The following KIF2A variants were observed in gnomAD, a reference collection of about 807,000 sequenced individuals.
The protein encoded by KIF2A is kinesin-like protein KIF2A.
A neutral mutation model predicts 100.2 loss-of-function variants in KIF2A; 22 were observed. The ratio of observed to expected loss-of-function variants is 0.22; its 90% CI spans 0.16 to 0.31. KIF2A has a LOEUF of 0.31. Among genes scored for constraint, KIF2A ranks in the 10% least tolerant of loss-of-function variants. The pLI is 1.00. For synonymous variants in KIF2A, 268 were observed against 285.9 expected (o/e 0.94, Z 0.63); for missense variants, 495 against 898.7 (o/e 0.55, Z 5.74).
chr5:62,313,426 C>T (rs972994051), intron 1 of KIF2A, among the ~76,000 whole-genome samples: 1 of 152,034 alleles, frequency 6.6e-6, no homozygotes, highest in African/African-American at 2.4e-5. Flanking sequence ...GATCTCGGCT[C>T]ACTGCAACCT....
intron 19 of KIF2A, among the ~76,000 whole-genome samples, chr5:62,378,462 A>G (rs572966154): frequency 2.6e-5 from 4 of 152,326 alleles, no homozygotes; most frequent in East Asian, 3.9e-4. Flanking sequence ...GAAAAAAACA[A>G]TAACTGCCTC....
intron 16 of KIF2A, among the ~76,000 whole-genome samples, chr5:62,371,385 G>A (rs1741318983): frequency 6.6e-6 from 1 of 152,174 alleles, no homozygotes; most frequent in African/African-American, 2.4e-5. Flanking sequence ...AAGACTGTTA[G>A]TAGAGGAAAC....
Position 62,365,212 on chromosome 5 carries a change from A to G in KIF2A, c.1468-31A>G, listed in dbSNP as rs764537637. ...AAGATTATCCTTTATAAGAAAGACT[A>G]ATCTGTGAGACTTGTTTTCTTAATT... On this transcript the variant is annotated intron_variant, in intron 14 of 20. Coordinates refer to ENST00000407818, the MANE Select transcript of KIF2A (RefSeq NM_001098511.3). 1.0e-5 allele frequency: 11 copies of G among 1,104,286 alleles called. No individual in the cohort carries two copies. The Admixed American group carries it at 2.1e-4, about 21-fold the overall frequency. 68.4% of individuals were successfully genotyped at this position (1,104,286 alleles called of 1,614,324 possible).
intron 19 of KIF2A, among the ~76,000 whole-genome samples, chr5:62,378,918 C>T (rs1741655902): frequency 6.6e-6 from 1 of 151,998 alleles, no homozygotes; most frequent in Non-Finnish European, 1.5e-5. Flanking sequence ...AAAACAAAAA[C>T]TCTAGAGTTT....
At chr5:62,381,867 CCACTTTTTTTTAAATGA>C (rs1339105591) in intron 20 of KIF2A, among the ~76,000 whole-genome samples, 7 of 152,194 alleles carry the variant, frequency 4.6e-5, no homozygotes, top group Non-Finnish European at 7.3e-5. Flanking sequence ...TTGGCCTCTG[CCACTTTTTTTTAAATGA>C]AGGAGGTGTC....
At chr5:62,328,194 A>G (rs1746471122) in intron 1 of KIF2A, among the ~76,000 whole-genome samples, 1 of 152,218 alleles carries the variant, frequency 6.6e-6, no homozygotes, top group African/African-American at 2.4e-5. Context: ...CATTTGGTAT[A>G]TATTCTGTTA....
At chr5:62,346,499 GGAGCCC>G (rs146049546) in intron 1 of KIF2A, among the ~76,000 whole-genome samples, 13,614 of 152,108 alleles carry the variant, frequency 0.09, 749 homozygotes, top group African/African-American at 0.16. Flanking sequence ...CATCACTTTG[GGAGCCC>G]GAGGTGGGTG....
chr5:62,352,290 AAAC>A (rs1747893865), intron 4 of KIF2A, among the ~76,000 whole-genome samples: 1 of 152,142 alleles, frequency 6.6e-6, no homozygotes, highest in Non-Finnish European at 1.5e-5. Flanking sequence ...GATTATTAAA[AAAC>A]AAGCTTGGCT....
chr5:62,349,693 C>T (rs1344341403), intron 3 of KIF2A, among the ~76,000 whole-genome samples: 1 of 152,052 alleles, frequency 6.6e-6, no homozygotes, highest in African/African-American at 2.4e-5. Flanking sequence ...ATAAATTACC[C>T]CCTATTATTC....
At chr5:62,317,616 C>T (rs533026759) in intron 1 of KIF2A, among the ~76,000 whole-genome samples, 89 of 152,290 alleles carry the variant, frequency 5.8e-4, no homozygotes, top group Middle Eastern at 3.4e-3. Context: ...TATTAATGTT[C>T]CGGGCATTGG....
chr5:62,352,558 G>A, intron 4 of KIF2A, 30 bp from the exon 5 acceptor site: 4 of 1,493,612 alleles, frequency 2.7e-6, no homozygotes, highest in Non-Finnish European at 3.6e-6. Flanking sequence ...TTTCTATCCT[G>A]AATTTAAAAT....
rs1187196534 is a variant in KIF2A, at chr5:62,389,987, G to A, written c.*4418G>A. ...ATTTATGAATAGTATTCAATGCCTA[G>A]GATTAACATCTAAAATGACTCAGTA... On this transcript the variant is annotated 3_prime_UTR_variant, in exon 21 of 21. Coordinates refer to ENST00000407818, the MANE Select transcript of KIF2A (RefSeq NM_001098511.3). Among the ~76,000 whole-genome samples, 1 of 152,118 alleles carries A rather than the reference G, an allele frequency of 6.6e-6. No individual in the cohort carries two copies. The highest frequency in any genetic ancestry group is 1.5e-5 in the Non-Finnish European group (1 of 68,022).
intron 1 of KIF2A, among the ~76,000 whole-genome samples, chr5:62,335,226 A>C (rs1184643189): frequency 6.6e-6 from 1 of 152,210 alleles, no homozygotes; most frequent in Non-Finnish European, 1.5e-5. Flanking sequence ...TGTCAGTAGC[A>C]GGGTTGGAGT....
intron 19 of KIF2A, among the ~76,000 whole-genome samples, chr5:62,378,670 C>T (rs564344131): frequency 6.6e-6 from 1 of 152,318 alleles, no homozygotes; most frequent in South Asian, 2.1e-4. Flanking sequence ...GTAATACCAG[C>T]ACTGTGGGAG....
intron 1 of KIF2A, among the ~76,000 whole-genome samples, chr5:62,314,025 C>T (rs9968583): frequency 0.51 from 77,736 of 151,874 alleles, 20,842 homozygotes; most frequent in South Asian, 0.65. Flanking sequence ...CTCCTGGCCT[C>T]AAGCAATTCT....
At chr5:62,316,373 T>C (rs375612655) in intron 1 of KIF2A, among the ~76,000 whole-genome samples, 12 of 152,372 alleles carry the variant, frequency 7.9e-5, no homozygotes, top group East Asian at 3.9e-4. Context: ...TGCTCTTTTT[T>C]ACTTTTTCTT....
rs1280449479 is a variant in KIF2A, at chr5:62,389,883, T to C, written c.*4314T>C. The stretch of plus-strand genomic sequence containing the variant: ...GAAAATGAAGAAAAAGAGAAAATAT[T>C]TCTCTTTAGACCTGAGGTTATGTTT... On this transcript the variant is annotated 3_prime_UTR_variant, in exon 21 of 21. Transcript: ENST00000407818. Among the ~76,000 whole-genome samples, 1 of 152,162 alleles carries C rather than the reference T, an allele frequency of 6.6e-6. No homozygotes were observed. The highest frequency in any genetic ancestry group is 1.5e-5 in the Non-Finnish European group (1 of 68,022).
intron 18 of KIF2A, among the ~76,000 whole-genome samples, chr5:62,374,662 C>T (rs1378413742): frequency 6.6e-6 from 1 of 151,906 alleles, no homozygotes; most frequent in East Asian, 1.9e-4. Context: ...AAAAACAAGC[C>T]AGGCGCGGTG....
chr5:62,378,378 G>C (rs1741633732), intron 19 of KIF2A, among the ~76,000 whole-genome samples: 1 of 151,992 alleles, frequency 6.6e-6, no homozygotes, highest in East Asian at 1.9e-4. Flanking sequence ...ATATCATTTG[G>C]ACATCTTTAT....
Sources: allele counts gnomAD v4.1 joint callset (sites outside exome capture counted in the v4.1 genomes callset), GRCh38; gene constraint gnomAD v4.1.1; transcripts MANE v1.5; gene names NCBI Gene and HGNC (gene_info 2026-07-23, HGNC 2026-07-21).